Variants in NCOR2 observed in about 807,000 individuals in gnomAD.
The protein encoded by NCOR2 is nuclear receptor corepressor 2, also known as CTG repeat protein 26.
NCOR2 carries 81 observed loss-of-function variants against 262.9 expected under a neutral mutation model. The observed-to-expected ratio is 0.31, with a 90% confidence interval of 0.26 to 0.37. The LOEUF (loss-of-function observed/expected upper bound fraction) is 0.37, where lower values mean the gene tolerates loss of function less well. Ranked by LOEUF, NCOR2 falls within the 10% of genes least tolerant of loss-of-function variation. NCOR2 has a pLI of 1.00. For synonymous variants in NCOR2, 1,659 were observed against 1,559.3 expected (o/e 1.06, Z -1.51); for missense variants, 3,385 against 3,621.4 (o/e 0.93, Z 1.68).
At chr12:124,395,803 G>A (rs960369951) in intron 16 of NCOR2, among the ~76,000 whole-genome samples, 4 of 152,122 alleles carry the variant, frequency 2.6e-5, no homozygotes, top group South Asian at 2.1e-4. Context: ...ATGTCCACGC[G>A]GAGTCCTCCG....
intron 17 of NCOR2, among the ~76,000 whole-genome samples, chr12:124,384,086 G>A (rs766276246): frequency 6.6e-6 from 1 of 152,202 alleles, no homozygotes; most frequent in South Asian, 2.1e-4. Flanking sequence ...TGGGGAGAAA[G>A]CAGGAGGCCC....
chr12:124,542,871 G>C (rs1183280304), intron 1 of NCOR2: 1 of 152,374 alleles, frequency 6.6e-6, no homozygotes, highest in African/African-American at 2.4e-5. Context: ...GAGCGGGAGG[G>C]AGGCAGGCTC....
In NCOR2 at chr12:124,466,283, G is replaced by A; in HGVS notation, c.595C>T (p.Gln199Ter). ...GGCTTGGCAGCCTCCTCCTCCAGCT[G>A]TTGCTGTGGGGAGAGGCAGAACGTG... The change falls in exon 5 of 47, where the codon CAG (glutamine) becomes TAG (stop). Residue 199 changes from glutamine to a stop codon, truncating the protein, a stop_gained. Transcript: ENST00000405201. LOFTEE classifies it high-confidence loss of function. The A allele has an allele frequency of 6.2e-7, 1 of 1,605,422 alleles. No homozygotes were observed. Among genetic ancestry groups the A allele is most frequent in the Non-Finnish European group, 8.5e-7 (1 of 1,178,670 alleles).
chr12:124,392,438 C>T (rs982600154), intron 16 of NCOR2, among the ~76,000 whole-genome samples: 1 of 152,188 alleles, frequency 6.6e-6, no homozygotes, highest in Non-Finnish European at 1.5e-5. Flanking sequence ...TGACAGTCTC[C>T]TTGGACGCGA....
chr12:124,540,206 C>T (rs940252109), upstream of NCOR2, among the ~76,000 whole-genome samples: 5 of 150,242 alleles, frequency 3.3e-5, no homozygotes, highest in African/African-American at 1.2e-4. Context: ...CCATGGCGAC[C>T]CAGCAGTGGT....
intron 37 of NCOR2, among the ~76,000 whole-genome samples, chr12:124,339,219 A>ACCCCCCCCCCC (rs1555300759): frequency 3.0e-4 from 19 of 63,336 alleles, no homozygotes; most frequent in Middle Eastern, 0.016. Flanking sequence ...TCTACCTACC[A>ACCCCCCCCCCC]CCCACCCACC....
chr12:124,470,509 A>G (rs2046779866), intron 4 of NCOR2, among the ~76,000 whole-genome samples: 2 of 152,264 alleles, frequency 1.3e-5, no homozygotes, highest in Non-Finnish European at 2.9e-5. Context: ...TGTTTCAGCC[A>G]TAAAAAGGAA....
rs2041068695 is a variant in NCOR2, at chr12:124,389,063, G to A, written c.1877-3176C>T. On this transcript the variant is annotated intron_variant, in intron 16 of 46. Coordinates refer to ENST00000405201, the Ensembl canonical transcript of NCOR2. The surrounding 1 kb of genome is among the most constrained non-coding windows in gnomAD (Gnocchi z 4.4). ...GTGGGCGCGCGAGGTGCCCTTCCCC[G>A]AGGGTGGTGGGTGGCGGGAAGTTGT... Among the ~76,000 whole-genome samples the A allele has an allele frequency of 2.6e-5, 4 of 152,352 alleles. No homozygotes were observed. In the South Asian group the frequency reaches 6.2e-4, roughly 24 times the overall value.
intron 16 of NCOR2, among the ~76,000 whole-genome samples, chr12:124,388,168 G>A (rs1010197104): frequency 2.6e-5 from 4 of 152,140 alleles, no homozygotes; most frequent in African/African-American, 9.7e-5. Context: ...CGCCTGGCCA[G>A]AGCTCGCTAG....
intron 11 of NCOR2, among the ~76,000 whole-genome samples, 198 bp downstream of exon 13, chr12:124,426,424 T>C (rs537154874): frequency 6.6e-6 from 1 of 152,224 alleles, no homozygotes; most frequent in Non-Finnish European, 1.5e-5. Context: ...GGCTCTCCCT[T>C]ACGGCCCCCA....
intron 1 of NCOR2, among the ~76,000 whole-genome samples, chr12:124,521,802 G>GA (rs1302918319): frequency 1.1e-4 from 17 of 152,170 alleles, no homozygotes; most frequent in African/African-American, 4.1e-4. Context: ...TGGATCGCTT[G>GA]AGGCCAGGAG....
At chr12:124,466,039 G>A in intron 5 of NCOR2, 134 bp downstream of exon 7, 1 of 863,986 alleles carries the variant, frequency 1.2e-6, no homozygotes, top group South Asian at 1.7e-5. Flanking sequence ...CATAAACCCT[G>A]CGTCTCTGGG....
chr12:124,549,541 C>T lies in NCOR2; in HGVS notation c.-164-13930G>A, dbSNP rs775330413. On this transcript the variant is annotated intron_variant, in intron 1 of 32. Coordinates refer to the NCOR2 transcript ENST00000458234. The surrounding 1 kb of genome is among the most constrained non-coding windows in gnomAD (Gnocchi z 4.4). The stretch of plus-strand genomic sequence containing the variant: ...AAGGTACCAAGGGCTTCTGCCCCAG[C>T]GCCGGGGCACAGCGGGCTGAGGGAG... Among the ~76,000 whole-genome samples the T allele has an allele frequency of 1.3e-5, 2 of 152,094 alleles. No homozygotes were observed. Among genetic ancestry groups the T allele is most frequent in the Admixed American group, 6.5e-5 (1 of 15,276 alleles).
rs1222661816 is a variant in NCOR2, at chr12:124,389,746, G to T, written c.1877-3859C>A. Among the ~76,000 whole-genome samples the T allele has an allele frequency of 6.6e-6, 1 of 152,192 alleles. No individual in the cohort carries two copies. The highest frequency in any genetic ancestry group is 1.5e-5 in the Non-Finnish European group (1 of 68,026). ...TGCACATGAGACCGCCAACCATTTA[G>T]GGGAGGGGGAAGGGTTTGGGGATTT... On this transcript the variant is annotated intron_variant, in intron 16 of 46. Transcript: ENST00000405201. This position sits in a 1 kb window ranked among gnomAD's most constrained non-coding sequence, Gnocchi z 4.4.
At chr12:124,418,619 G>T (rs1399277032) in intron 13 of NCOR2, among the ~76,000 whole-genome samples, 4 of 152,214 alleles carry the variant, frequency 2.6e-5, no homozygotes, top group Non-Finnish European at 5.9e-5. Context: ...GGGACACTTT[G>T]TGTCTACCGG....
chr12:124,439,635 T>C (rs1241822038), intron 7 of NCOR2, among the ~76,000 whole-genome samples: 3 of 149,524 alleles, frequency 2.0e-5, no homozygotes, highest in Non-Finnish European at 4.5e-5. Flanking sequence ...GAGACGGAGA[T>C]AGATAGACAG....
chr12:124,530,646 A>G (rs1248857091), intron 1 of NCOR2, among the ~76,000 whole-genome samples: 1 of 152,178 alleles, frequency 6.6e-6, no homozygotes, highest in Non-Finnish European at 1.5e-5. Context: ...GTTGAACCCC[A>G]GCTTTGTCCT....
intron 1 of NCOR2, among the ~76,000 whole-genome samples, chr12:124,560,714 G>A (rs886589974): frequency 4.6e-5 from 7 of 152,312 alleles, no homozygotes; most frequent in Admixed American, 2.6e-4. Context: ...ACTCAGGCGC[G>A]GGAAGCTGTG....
intron 2 of NCOR2, among the ~76,000 whole-genome samples, chr12:124,485,337 C>T (rs1241919458): frequency 6.6e-6 from 1 of 152,186 alleles, no homozygotes; most frequent in Non-Finnish European, 1.5e-5. Flanking sequence ...AACAAGAGAA[C>T]ACAGAGACAG....
Sources: gnomAD v4.1 joint callset for allele counts (sites outside exome capture counted in the v4.1 genomes callset) on GRCh38, gnomAD v4.1.1 for gene constraint, Gnocchi (gnomAD v3.1) non-coding constraint, MANE v1.5 for transcripts, NCBI Gene and HGNC (gene_info 2026-07-23, HGNC 2026-07-21) for gene names.